The following MGAT5B variants were observed in gnomAD, a reference collection of about 807,000 sequenced individuals.
MGAT5B encodes the protein alpha-1,6-mannosylglycoprotein 6-beta-N-acetylglucosaminyltransferase B.
MGAT5B carries 54 observed loss-of-function variants against 95.1 expected under a neutral mutation model. That is an observed-to-expected ratio of 0.57 (90% CI 0.46 to 0.71). MGAT5B has a LOEUF of 0.71. Among genes scored for constraint, MGAT5B ranks in the 30% least tolerant of loss-of-function variants. MGAT5B has a pLI of 0.00. For missense variants in MGAT5B, 935 were observed against 1,088.6 expected (o/e 0.86, Z 1.99); for synonymous variants, 464 against 451.0 (o/e 1.03, Z -0.36).
At chr17:76,873,266 T>G (rs1598883425) in intron 2 of MGAT5B, among the ~76,000 whole-genome samples, 1 of 151,996 alleles carries the variant, frequency 6.6e-6, no homozygotes, top group Non-Finnish European at 1.5e-5. Context: ...GGGTGAGAGG[T>G]CTCTGGATAT....
chr17:76,881,524 T>C (rs1419964517), intron 2 of MGAT5B, among the ~76,000 whole-genome samples: 1 of 152,186 alleles, frequency 6.6e-6, no homozygotes, highest in Non-Finnish European at 1.5e-5. Context: ...CCTGGGGCCC[T>C]GAACACAGGC....
rs1968788453 is a variant in MGAT5B, at chr17:76,912,740, G to A, written c.1025+6553G>A. On this transcript the variant is annotated intron_variant, in intron 8 of 17. Coordinates refer to ENST00000569840, the MANE Select transcript of MGAT5B (RefSeq NM_001199172.2). This position sits in a 1 kb window ranked among gnomAD's most constrained non-coding sequence, Gnocchi z 5.0. ...TTCCGGGGTGAGGGAGGTGGCACGAGGGAGCCGTGCGCTCTGTGATGAGAC... is the reference window on the plus strand; with the variant it reads ...TTCCGGGGTGAGGGAGGTGGCACGAAGGAGCCGTGCGCTCTGTGATGAGAC... Among the ~76,000 whole-genome samples, 1 of 152,140 alleles carries A rather than the reference G, an allele frequency of 6.6e-6. No individual in the cohort carries two copies. Among genetic ancestry groups the A allele is most frequent in the Admixed American group, 6.5e-5 (1 of 15,282 alleles).
intron 2 of MGAT5B, among the ~76,000 whole-genome samples, chr17:76,881,252 T>C (rs1967402182): frequency 6.6e-6 from 1 of 152,152 alleles, no homozygotes; most frequent in South Asian, 2.1e-4. Context: ...GGGATCTTGG[T>C]CGAAGTGCCT....
Position 76,872,832 on chromosome 17 carries a change from G to A in MGAT5B, c.69-19G>A, listed in dbSNP as rs569753276. On this transcript the variant is annotated intron_variant, in intron 1 of 17. Coordinates refer to ENST00000569840, the MANE Select transcript of MGAT5B (RefSeq NM_001199172.2). ...ATGGCCCTTCCTGCCCTCCTGACCC[G>A]CCTCCTTCCTCTCCGCAGGCTTTTT... 8.1e-6 allele frequency: 13 copies of A among 1,614,124 alleles called. No homozygotes were observed. The highest frequency in any genetic ancestry group is 7.7e-5 in the South Asian group (7 of 91,080).
rs1490212049 is a variant in MGAT5B, at chr17:76,914,940, G to A, written c.1025+8753G>A. 1.3e-5 allele frequency among the ~76,000 whole-genome samples: 2 copies of A among 152,072 alleles called. No individual in the cohort carries two copies. The highest frequency in any genetic ancestry group is 6.5e-5 in the Admixed American group (1 of 15,268). On this transcript the variant is annotated intron_variant, in intron 8 of 17. Transcript: ENST00000569840. This position sits in a 1 kb window ranked among gnomAD's most constrained non-coding sequence, Gnocchi z 5.1. ...GGCGTGAGCCACTGCCCCCGGCCAC[G>A]TTTCTTCTTTTTATAAGGACACCAG...
intron 8 of MGAT5B, among the ~76,000 whole-genome samples, chr17:76,919,533 G>A (rs529974449): frequency 3.3e-5 from 5 of 152,200 alleles, no homozygotes; most frequent in Non-Finnish European, 7.3e-5. Flanking sequence ...AGGTTCAAAC[G>A]ATTCTCCCAC....
intron 5 of MGAT5B, among the ~76,000 whole-genome samples, chr17:76,903,952 A>G (rs1968420022): frequency 6.6e-6 from 1 of 152,212 alleles, no homozygotes; most frequent in Non-Finnish European, 1.5e-5. Context: ...CGGGGACCAG[A>G]GGGAGAGGGA....
At chr17:76,933,189 G>A in intron 11 of MGAT5B, 103 bp from the exon 12 acceptor site, 1 of 1,483,678 alleles carries the variant, frequency 6.7e-7, no homozygotes. Context: ...TTCAGGGTTG[G>A]GGGCCCCAGA....
intron 8 of MGAT5B, among the ~76,000 whole-genome samples, chr17:76,921,096 T>TGGA (rs1403209362): frequency 6.6e-6 from 1 of 152,142 alleles, no homozygotes; most frequent in Non-Finnish European, 1.5e-5. Context: ...TAAGGCTTCC[T>TGGA]GGAGGAGGAG....
At chr17:76,923,447 C>T (rs1567815591) in intron 8 of MGAT5B, among the ~76,000 whole-genome samples, 2 of 152,150 alleles carry the variant, frequency 1.3e-5, no homozygotes, top group Non-Finnish European at 2.9e-5. Flanking sequence ...GACCCGATGG[C>T]CTGGCTGCTT....
intron 12 of MGAT5B, among the ~76,000 whole-genome samples, chr17:76,936,311 G>C (rs1969670469): frequency 2.0e-5 from 3 of 152,194 alleles, no homozygotes; most frequent in Non-Finnish European, 4.4e-5. Flanking sequence ...AGGAGGCTGA[G>C]GCAGGAGAAT....
At chr17:76,925,933 C>A (rs1453747637) in intron 9 of MGAT5B, among the ~76,000 whole-genome samples, 1 of 152,112 alleles carries the variant, frequency 6.6e-6, no homozygotes, top group African/African-American at 2.4e-5. Context: ...TTCGTCTGGC[C>A]CTGTGGTTGG....
At chr17:76,942,642 G>A (rs1486371829) in intron 15 of MGAT5B, among the ~76,000 whole-genome samples, 1 of 152,222 alleles carries the variant, frequency 6.6e-6, no homozygotes, top group Non-Finnish European at 1.5e-5. Flanking sequence ...AAGTACCAGT[G>A]CCAGGAAGGA....
Position 76,889,004 on chromosome 17 carries a change from G to C in MGAT5B, c.329+6706G>C, listed in dbSNP as rs1353468733. On this transcript the variant is annotated intron_variant, in intron 3 of 17. Transcript: ENST00000569840. The surrounding 1 kb of genome is among the most constrained non-coding windows in gnomAD (Gnocchi z 4.4). The stretch of plus-strand genomic sequence containing the variant: ...GCACGAGGGTCGGCCTTGGGAAGAG[G>C]GGTGGGCGGTGATCAGAGGCCTCGC... 6.6e-6 allele frequency among the ~76,000 whole-genome samples: 1 copy of C among 152,192 alleles called. No individual in the cohort carries two copies. The highest frequency in any genetic ancestry group is 6.5e-5 in the Admixed American group (1 of 15,284).
At chr17:76,926,018 G>T (rs1280736743) in intron 9 of MGAT5B, among the ~76,000 whole-genome samples, 1 of 152,176 alleles carries the variant, frequency 6.6e-6, no homozygotes, top group Non-Finnish European at 1.5e-5. Flanking sequence ...AGGGAGAAGG[G>T]CCCTGTGGAG....
intron 13 of MGAT5B, among the ~76,000 whole-genome samples, chr17:76,939,849 A>G (rs1969806843): frequency 1.1e-5 from 1 of 90,460 alleles, no homozygotes; most frequent in South Asian, 3.1e-4. Context: ...AAAGGACATG[A>G]TTTTGTTTTT....
intron 3 of MGAT5B, among the ~76,000 whole-genome samples, chr17:76,898,473 C>T (rs992444655): frequency 2.5e-4 from 29 of 116,004 alleles, no homozygotes; most frequent in African/African-American, 5.7e-4. Context: ...GGATTACAGG[C>T]GCGCACCACC....
In MGAT5B at chr17:76,904,423, G is replaced by C; in HGVS notation, c.690+1G>C. The C allele has an allele frequency of 6.4e-7, 1 of 1,554,566 alleles. No individual in the cohort carries two copies. Among genetic ancestry groups the C allele is most frequent in the Non-Finnish European group, 8.7e-7 (1 of 1,149,702 alleles). ...ACCCAAGCCCCTCCCCAAAGTCCAG[G>C]TGGGCCTGGGAGGTGGGTGGGCCGG... On this transcript the variant is annotated splice_donor_variant, in intron 6 of 17. Coordinates refer to ENST00000569840, the MANE Select transcript of MGAT5B (RefSeq NM_001199172.2). LOFTEE classifies it high-confidence loss of function.
intron 3 of MGAT5B, among the ~76,000 whole-genome samples, chr17:76,882,728 T>TG (rs1568166096): frequency 7.5e-6 from 1 of 132,700 alleles, no homozygotes; most frequent in Admixed American, 7.9e-5. Context: ...TTTTTTTTTT[T>TG]GACACAGAGC....
Sources: allele counts gnomAD v4.1 joint callset (sites outside exome capture counted in the v4.1 genomes callset), GRCh38; gene constraint gnomAD v4.1.1; non-coding constraint Gnocchi (gnomAD v3.1); transcripts MANE v1.5; gene names NCBI Gene and HGNC (gene_info 2026-07-23, HGNC 2026-07-21).